Variants in DSCC1 observed in about 807,000 individuals in gnomAD.
DSCC1 encodes sister chromatid cohesion protein DCC1.
In DSCC1, 32 loss-of-function variants were observed where a neutral mutation model predicts 48.2. The ratio of observed to expected loss-of-function variants is 0.66; its 90% CI spans 0.50 to 0.89. DSCC1 has a LOEUF of 0.89. Ranked by LOEUF, DSCC1 falls within the 40% of genes least tolerant of loss-of-function variation. DSCC1 has a pLI of 0.00. For missense variants in DSCC1, 421 were observed against 471.7 expected (o/e 0.89, Z 1.00); for synonymous variants, 150 against 171.5 (o/e 0.87, Z 0.98).
At chr8:119,840,491 G>C (rs1351051904) in intron 7 of DSCC1, 1 of 152,294 alleles carries the variant, frequency 6.6e-6, no homozygotes, top group Non-Finnish European at 1.5e-5. Context: ...AAACCTGAAA[G>C]AGGGTTGGTA....
At chr8:119,850,284 G>T in intron 3 of DSCC1, 98 bp downstream of exon 3, 1 of 1,243,772 alleles carries the variant, frequency 8.0e-7, no homozygotes, top group Non-Finnish European at 1.1e-6. Flanking sequence ...ATTTATAACA[G>T]CTATATAACA....
chr8:119,845,173 C>A (rs1430309857), intron 4 of DSCC1, among the ~76,000 whole-genome samples: 1 of 151,976 alleles, frequency 6.6e-6, no homozygotes, highest in Non-Finnish European at 1.5e-5. Context: ...GCAACCTCCA[C>A]CTCCCGGGTT....
rs556922810 is a variant in DSCC1, at chr8:119,848,559, G to A, written c.487-1479C>T. On this transcript the variant is annotated intron_variant, in intron 3 of 8. Coordinates refer to ENST00000313655, the MANE Select transcript of DSCC1 (RefSeq NM_024094.3). ...AGTGCAGCCACTCTGGAAACAGTAC[G>A]GCAGCTTGAAAGCTTCTACAGAGTC... 1.2e-4 allele frequency among the ~76,000 whole-genome samples: 18 copies of A among 152,278 alleles called. No individual in the cohort carries two copies. In the East Asian group the frequency reaches 2.7e-3, roughly 23 times the overall value.
In DSCC1 at chr8:119,855,890, T is replaced by A; in HGVS notation, c.-95A>T. 2 of 1,347,774 alleles carry A rather than the reference T, an allele frequency of 1.5e-6. No homozygotes were observed. Among genetic ancestry groups the A allele is most frequent in the South Asian group, 1.7e-5 (1 of 59,622 alleles). The allele number at this position is 1,347,774 out of a possible 1,614,324, so 83.5% of individuals were successfully genotyped here. On this transcript the variant is annotated 5_prime_UTR_variant, in exon 1 of 9. Transcript: ENST00000313655. ...CCAAGCAGCCGGAAGGTAGGAAACC[T>A]GAGCGTTTGAAAGCGCGCCAAGGCG... is the stretch of plus-strand genomic sequence containing the variant.
chr8:119,837,580 G>A (rs1563942412), intron 8 of DSCC1, among the ~76,000 whole-genome samples: 1 of 152,214 alleles, frequency 6.6e-6, no homozygotes, highest in African/African-American at 2.4e-5. Flanking sequence ...AGGTTCTTAA[G>A]CAAGACTGGC....
intron 4 of DSCC1, among the ~76,000 whole-genome samples, chr8:119,845,671 G>A: frequency 6.6e-6 from 1 of 151,518 alleles, no homozygotes; most frequent in Non-Finnish European, 1.5e-5. Context: ...CTTTAGGGCT[G>A]GGCACCGTGG....
chr8:119,843,546 A>G, intron 5 of DSCC1, 63 bp downstream of exon 5: 2 of 1,546,948 alleles, frequency 1.3e-6, no homozygotes, highest in Non-Finnish European at 1.7e-6. Context: ...TTTAATTCCA[A>G]TCTGTAAAAC....
rs372445789 is a variant in DSCC1 at position 119,841,047 on chromosome 8, A to G, written c.924+747T>C. On this transcript the variant is annotated intron_variant, in intron 7 of 8. Transcript: ENST00000313655. ...TGCTCTGTCGCCCAGGCTGGACTGC[A>G]CTGGCATGAACTCGGCTCCCTGCAA... is the stretch of plus-strand genomic sequence containing the variant. Among the ~76,000 whole-genome samples the G allele has an allele frequency of 4.0e-5, 6 of 151,876 alleles. No individual in the cohort carries two copies. In the South Asian group the frequency reaches 1.3e-3, roughly 32 times the overall value.
At chr8:119,843,862 C>T in intron 4 of DSCC1, 115 bp from the exon 5 acceptor site, 1 of 1,043,072 alleles carries the variant, frequency 9.6e-7, no homozygotes, top group Non-Finnish European at 1.4e-6. Flanking sequence ...TCGCAACCTC[C>T]ACCTCCTGGT....
chr8:119,842,954 C>A (rs1826795213), intron 5 of DSCC1, 126 bp from the exon 6 acceptor site: 1 of 749,936 alleles, frequency 1.3e-6, no homozygotes. Context: ...TTTTGGTTGC[C>A]AAATATTATT....
Position 119,834,835 on chromosome 8 carries a change from C to G in DSCC1, c.*58G>C, listed in dbSNP as rs1327576246. On this transcript the variant is annotated 3_prime_UTR_variant, in exon 9 of 9. Coordinates refer to ENST00000313655, the MANE Select transcript of DSCC1 (RefSeq NM_024094.3). ...AGAAATAAAAGTACAAGTTATTTTT[C>G]TTCTATCCAGCAACTTTATAAAGCA... The G allele has an allele frequency of 4.3e-6, 5 of 1,162,252 alleles. No homozygotes were observed. The African/African-American group carries it at 7.8e-5, about 18-fold the overall frequency. 72.0% of individuals were successfully genotyped at this position (1,162,252 alleles called of 1,614,324 possible).
intron 3 of DSCC1, among the ~76,000 whole-genome samples, chr8:119,848,907 G>A (rs1005304969): frequency 2.6e-5 from 4 of 151,778 alleles, no homozygotes; most frequent in African/African-American, 4.8e-5. Context: ...CTGGCCGGCC[G>A]GGCGCGGTGG....
chr8:119,842,809 G>A lies in DSCC1; in HGVS notation c.736C>T (p.Leu246Phe). Residue 246 changes from leucine to phenylalanine, a missense_variant, in exon 6 of 9, where the codon CTT (leucine) becomes TTT (phenylalanine). Leu to Phe is a conservative substitution (Grantham distance 22). This residue lies in a region of DSCC1 where 238 missense variants were observed against 259.0 expected (regional missense o/e 0.92). Coordinates refer to ENST00000313655, the MANE Select transcript of DSCC1 (RefSeq NM_024094.3). ...ACATATTTCTTCCCATAACATTTAA[G>A]ACAGTGTTCTATCATTTCCCTGAAA... is the stretch of plus-strand genomic sequence containing the variant. ...LEPEEMIEHC[L>F]KCYGKKYVDE... 4 of 1,599,058 alleles carry A rather than the reference G, an allele frequency of 2.5e-6. No individual in the cohort carries two copies. The highest frequency in any genetic ancestry group is 3.4e-6 in the Non-Finnish European group (4 of 1,174,680).
chr8:119,844,390 G>A (rs1334158223), intron 4 of DSCC1, among the ~76,000 whole-genome samples: 1 of 142,908 alleles, frequency 7.0e-6, no homozygotes, highest in Admixed American at 7.3e-5. Flanking sequence ...AGTGAGCCAA[G>A]ATTACACCAC....
chr8:119,848,966 C>T (rs918814749), intron 3 of DSCC1, among the ~76,000 whole-genome samples: 40 of 151,700 alleles, frequency 2.6e-4, no homozygotes, highest in Non-Finnish European at 5.0e-4. Flanking sequence ...GGGTGGATCA[C>T]GAGGTCAGGA....
At chr8:119,855,361 G>C (rs530940385) in intron 1 of DSCC1, among the ~76,000 whole-genome samples, 1 of 152,318 alleles carries the variant, frequency 6.6e-6, no homozygotes, top group East Asian at 1.9e-4. Flanking sequence ...CACGGAGGTT[G>C]TATTAGTATT....
intron 7 of DSCC1, 37 bp from the exon 8 acceptor site, chr8:119,838,444 ATGT>A (rs1444798275): frequency 6.6e-7 from 1 of 1,517,260 alleles, no homozygotes; most frequent in Non-Finnish European, 8.8e-7. Context: ...AGTTAAAGTA[ATGT>A]TGTAATGTTT....
At position 119,853,191 on chromosome 8, in the gene DSCC1, G is replaced by T; in HGVS notation, c.207C>A (p.Asp69Glu). The T allele has an allele frequency of 6.2e-7, 1 of 1,610,766 alleles. No homozygotes were observed. Among genetic ancestry groups the T allele is most frequent in the East Asian group, 2.2e-5 (1 of 44,796 alleles). Reference protein sequence around the residue: ...GHSLVIRGDKDEQAVLCSKDK... With the variant: ...GHSLVIRGDKEEQAVLCSKDK... ...CTTTACTGCACAGCACAGCTTGCTC[G>T]TCTTTATCACCACGAATCACAAGAC... is the stretch of plus-strand genomic sequence containing the variant. Residue 69 changes from aspartate to glutamate, a missense_variant, in exon 2 of 9, where the codon GAC (aspartate) becomes GAA (glutamate). Asp to Glu is a conservative substitution (Grantham distance 45). This residue lies in a region of DSCC1 where 174 missense variants were observed against 184.5 expected (regional missense o/e 0.94). Coordinates refer to ENST00000313655, the MANE Select transcript of DSCC1 (RefSeq NM_024094.3).
intron 7 of DSCC1, chr8:119,839,698 A>C (rs1157428037): frequency 2.0e-5 from 3 of 152,292 alleles, no homozygotes; most frequent in East Asian, 1.9e-4. Flanking sequence ...GAAAGTCCTT[A>C]GCGCAGTCCA....
Sources: gnomAD v4.1 joint callset for allele counts (sites outside exome capture counted in the v4.1 genomes callset) on GRCh38, gnomAD v4.1.1 for gene constraint, gnomAD v4.1.1 regional missense constraint, MANE v1.5 for transcripts, NCBI Gene and HGNC (gene_info 2026-07-23, HGNC 2026-07-21) for gene names.